The following CCR9 variants were observed in gnomAD, a reference collection of about 807,000 sequenced individuals.
CCR9 encodes C-C motif chemokine receptor 9.
Under a neutral mutation model 8.7 loss-of-function variants are expected in CCR9, and 4 were observed. That is an observed-to-expected ratio of 0.46 (90% CI 0.23 to 1.06). CCR9 has a LOEUF of 1.06. Among genes scored for constraint, CCR9 ranks in the 50% least tolerant of loss-of-function variants. The probability of loss-of-function intolerance (pLI) is 0.21; values close to 1 mark genes in which losing one functional copy is unlikely to be tolerated. For missense variants in CCR9, 394 were observed against 453.6 expected, an observed-to-expected ratio of 0.87 and a Z score of 1.19; for synonymous variants, 159 against 168.8, an observed-to-expected ratio of 0.94 and a Z score of 0.45.
intron 1 of CCR9, among the ~76,000 whole-genome samples, chr3:45,893,142 CCT>C (rs1050098172): frequency 4.6e-5 from 7 of 151,130 alleles, no homozygotes; most frequent in East Asian, 1.9e-4. Context: ...ACTCCCCTTC[CCT>C]CTCTCTCTCT....
At position 45,902,373 on chromosome 3, in the gene CCR9, C is replaced by T. The variant is rs1321725744; in HGVS notation, c.*475C>T. 1.2e-5 allele frequency: 2 copies of T among 170,582 alleles called. No homozygotes were observed. The highest frequency in any genetic ancestry group is 4.8e-5 in the African/African-American group (2 of 41,492). 10.6% of individuals were successfully genotyped at this position (170,582 alleles called of 1,614,324 possible). On this transcript the variant is annotated 3_prime_UTR_variant, in exon 3 of 3. Transcript: ENST00000357632. Reference sequence around the variant, plus strand: ...GAAATTTTCTACCCTGCTCTTGAGCCTGATAACCCATGCCAGGTCTTATAG... The same window carrying T: ...GAAATTTTCTACCCTGCTCTTGAGCTTGATAACCCATGCCAGGTCTTATAG...
At chr3:45,897,171 T>A (rs1702382460) in intron 2 of CCR9, among the ~76,000 whole-genome samples, 1 of 152,186 alleles carries the variant, frequency 6.6e-6, no homozygotes, top group Non-Finnish European at 1.5e-5. Context: ...ACTGAGGGAT[T>A]TCCAGAGGAT....
In CCR9 at chr3:45,901,761, C is replaced by A. The variant is rs200417769; in HGVS notation, c.973C>A (p.Arg325Ser). Residue 325 changes from arginine to serine, a missense_variant, in exon 3 of 3, where the codon CGC becomes AGC. Physicochemically the swap from Arg to Ser is moderately radical, Grantham distance 110 (BLOSUM62 -1). Transcript: ENST00000357632. This position sits in a 1 kb window ranked among gnomAD's most constrained non-coding sequence, Gnocchi z 4.3. ...VLYVFVGERF[R>S]RDLVKTLKNL... ...CTATGTTTTTGTGGGTGAGAGATTC[C>A]GCCGGGATCTCGTGAAAACCCTGAA... The A allele has an allele frequency of 6.2e-7, 1 of 1,614,134 alleles. No individual in the cohort carries two copies. Among genetic ancestry groups the A allele is most frequent in the South Asian group, 1.1e-5 (1 of 91,074 alleles).
At chr3:45,898,432 T>G (rs17078408) in intron 2 of CCR9, among the ~76,000 whole-genome samples, 17,899 of 152,294 alleles carry the variant, frequency 0.12, 3,163 homozygotes, top group African/African-American at 0.38. Context: ...TGAAATGGAT[T>G]AATCAAGCCA....
Position 45,901,066 on chromosome 3 carries a change from C to T in CCR9, c.278C>T (p.Ala93Val). ...TDMFLLNLAI[A>V]DLLFLVTLPF... ...ATGTTCCTTTTGAATTTGGCAATTG[C>T]TGACCTCCTCTTTCTTGTCACTCTT... Residue 93 changes from alanine to valine, a missense_variant, in exon 3 of 3, where the codon GCT (alanine) becomes GTT (valine). Coordinates refer to ENST00000357632, the MANE Select transcript of CCR9 (RefSeq NM_031200.3). This position sits in a 1 kb window ranked among gnomAD's most constrained non-coding sequence, Gnocchi z 4.3. 6.2e-7 allele frequency: 1 copy of T among 1,614,202 alleles called. No homozygotes were observed. Among genetic ancestry groups the T allele is most frequent in the East Asian group, 2.2e-5 (1 of 44,888 alleles).
chr3:45,894,990 A>G, intron 2 of CCR9, 36 bp downstream of exon 2: 2 of 1,606,270 alleles, frequency 1.2e-6, no homozygotes, highest in South Asian at 2.2e-5. Flanking sequence ...TCCTCAAAAC[A>G]CACACTCATC....
intron 1 of CCR9, among the ~76,000 whole-genome samples, chr3:45,893,638 C>T (rs1038577788): frequency 3.3e-5 from 5 of 152,228 alleles, no homozygotes; most frequent in Non-Finnish European, 5.9e-5. Context: ...ATCGGTCATT[C>T]ATTCCCTATT....
At position 45,901,854 on chromosome 3, in the gene CCR9, T is replaced by C; in HGVS notation, c.1066T>C (p.Ser356Pro). ...AAGGAGAGAGGGAAGCTTGAAGCTG[T>C]CGTCTATGTTGCTGGAGACAACCTC... ...FTRREGSLKL[S>P]SMLLETTSGA... The change falls in exon 3 of 3, where the codon TCG becomes CCG. Residue 356 changes from serine (S) to proline (P), a missense_variant. Transcript: ENST00000357632. The surrounding 1 kb of genome is among the most constrained non-coding windows in gnomAD (Gnocchi z 4.3). 1 of 1,610,630 alleles carries C rather than the reference T, an allele frequency of 6.2e-7. No individual in the cohort carries two copies. Among genetic ancestry groups the C allele is most frequent in the Non-Finnish European group, 8.5e-7 (1 of 1,177,112 alleles).
intron 1 of CCR9, among the ~76,000 whole-genome samples, chr3:45,889,650 C>T (rs1428810573): frequency 2.0e-5 from 3 of 151,450 alleles, no homozygotes; most frequent in East Asian, 1.9e-4. Context: ...GAAAATGTTT[C>T]GGTGCTGGTG....
chr3:45,886,711 T>C (rs1701991083), intron 1 of CCR9, 56 bp downstream of exon 1: 1 of 152,342 alleles, frequency 6.6e-6, no homozygotes, highest in Non-Finnish European at 1.5e-5. Flanking sequence ...TGGCCCTCAG[T>C]TGTGTGCTGC....
intron 1 of CCR9, among the ~76,000 whole-genome samples, chr3:45,890,269 A>ATATTTATAT (rs1466215987): frequency 0.68 from 7,051 of 10,370 alleles, 2,614 homozygotes; most frequent in Middle Eastern, 0.85. Flanking sequence ...ATATATATAT[A>ATATTTATAT]ACATATATAT....
Position 45,902,510 on chromosome 3 carries a change from G to A in CCR9, c.*612G>A, listed in dbSNP as rs1702591229. On this transcript the variant is annotated 3_prime_UTR_variant, in exon 3 of 3. Transcript: ENST00000357632. ...GTTCTGATTTTGAAACGATCTGCAG[G>A]TCTTGCCAGTGAACCCCTGGACAAC... 6.0e-6 allele frequency: 1 copy of A among 167,270 alleles called. No individual in the cohort carries two copies. The highest frequency in any genetic ancestry group is 1.9e-4 in the East Asian group (1 of 5,198). The allele number at this position is 167,270 out of a possible 1,614,324, so 10.4% of individuals were successfully genotyped here.
In CCR9 at chr3:45,901,853, G is replaced by A. The variant is rs1194538731; in HGVS notation, c.1065G>A (p.Leu355=). ...SFTRREGSLK[L]SSMLLETTSG... ...CAAGGAGAGAGGGAAGCTTGAAGCT[G>A]TCGTCTATGTTGCTGGAGACAACCT... is the stretch of plus-strand genomic sequence containing the variant. The change falls in exon 3 of 3, where the codon CTG becomes CTA. Residue 355 remains leucine (L), a synonymous_variant. Transcript: ENST00000357632. The surrounding 1 kb of genome is among the most constrained non-coding windows in gnomAD (Gnocchi z 4.3). 6.2e-7 allele frequency: 1 copy of A among 1,610,694 alleles called. No individual in the cohort carries two copies. Among genetic ancestry groups the A allele is most frequent in the South Asian group, 1.1e-5 (1 of 90,980 alleles).
chr3:45,893,191 G>A (rs1415123391), intron 1 of CCR9, among the ~76,000 whole-genome samples: 1 of 149,214 alleles, frequency 6.7e-6, no homozygotes, highest in Non-Finnish European at 1.5e-5. Context: ...GTCTTGCTCT[G>A]TCACCCAGGC....
At position 45,900,672 on chromosome 3, in the gene CCR9, TC is replaced by T; in HGVS notation, c.22-136del. ...AAATATGTCACAACCCAAGCAGATG[TC>T]CTCAGAATGCCTATGTGTCTTTGGC... On this transcript the variant is annotated intron_variant, in intron 2 of 2. Transcript: ENST00000357632. This position sits in a 1 kb window ranked among gnomAD's most constrained non-coding sequence, Gnocchi z 4.7. 2 of 763,716 alleles carry T rather than the reference TC, an allele frequency of 2.6e-6. No homozygotes were observed. The highest frequency in any genetic ancestry group is 4.3e-6 in the Non-Finnish European group (2 of 464,930). 47.3% of individuals were successfully genotyped at this position (763,716 alleles called of 1,614,324 possible).
At chr3:45,894,344 C>G (rs1422926421) in intron 1 of CCR9, among the ~76,000 whole-genome samples, 1 of 152,200 alleles carries the variant, frequency 6.6e-6, no homozygotes. Flanking sequence ...GGGGCCCCAA[C>G]CCCAGTGGGC....
chr3:45,901,811 C>A lies in CCR9; in HGVS notation c.1023C>A (p.Ala341=), dbSNP rs1236102421. 3 of 1,614,012 alleles carry A rather than the reference C, an allele frequency of 1.9e-6. No homozygotes were observed. Among genetic ancestry groups the A allele is most frequent in the Non-Finnish European group, 2.5e-6 (3 of 1,179,930 alleles). ...AGAACTTGGGTTGCATCAGCCAGGC[C>A]CAGTGGGTTTCATTTACAAGGAGAG... ...TLKNLGCISQ[A]QWVSFTRREG... is the part of the protein sequence containing the mutation. The change falls in exon 3 of 3, where the codon GCC becomes GCA. Residue 341 remains alanine (A), a synonymous_variant. Coordinates refer to ENST00000357632, the MANE Select transcript of CCR9 (RefSeq NM_031200.3). This position sits in a 1 kb window ranked among gnomAD's most constrained non-coding sequence, Gnocchi z 4.3.
chr3:45,895,522 C>T (rs1432836704), intron 2 of CCR9, among the ~76,000 whole-genome samples: 2 of 152,214 alleles, frequency 1.3e-5, no homozygotes, highest in Non-Finnish European at 2.9e-5. Context: ...CAAGACCAGC[C>T]TGCCCAACAT....
At chr3:45,894,984 C>T (rs1269139626) in intron 2 of CCR9, 30 bp downstream of exon 2, 2 of 1,608,806 alleles carry the variant, frequency 1.2e-6, no homozygotes, top group African/African-American at 1.3e-5. Context: ...TCTGGCTCCT[C>T]AAAACACACA....
Sources: gnomAD v4.1 joint callset for allele counts (sites outside exome capture counted in the v4.1 genomes callset) on GRCh38, gnomAD v4.1.1 for gene constraint, Gnocchi (gnomAD v3.1) non-coding constraint, MANE v1.5 for transcripts, NCBI Gene and HGNC (gene_info 2026-07-23, HGNC 2026-07-21) for gene names.